SPATA6: variants seen among roughly 807,000 people sequenced by gnomAD.
SPATA6 encodes spermatogenesis-associated protein 6.
Under a neutral mutation model 65.3 loss-of-function variants are expected in SPATA6, and 56 were observed. The observed-to-expected ratio is 0.86, with a 90% CI of 0.69 to 1.07. The LOEUF (loss-of-function observed/expected upper bound fraction) is 1.07, where lower values mean the gene tolerates loss of function less well. SPATA6 is among the 50% of genes least tolerant of loss of function. The pLI, the probability that SPATA6 is intolerant of heterozygous loss-of-function variation, is 0.00. For missense variants in SPATA6, 590 were observed against 594.8 expected, an observed-to-expected ratio of 0.99 and a Z score of 0.08; for synonymous variants, 199 against 213.2, an observed-to-expected ratio of 0.93 and a Z score of 0.58.
At chr1:48,293,585 C>A (rs1330155593), downstream of SPATA6, among the ~76,000 whole-genome samples, 3 of 152,068 alleles carry the variant, frequency 2.0e-5, no homozygotes, top group South Asian at 6.2e-4. Flanking sequence ...AGCAGAAGTA[C>A]CTTGGTAATG....
At chr1:48,462,641 A>G (rs1657532809) in intron 1 of SPATA6, among the ~76,000 whole-genome samples, 1 of 152,220 alleles carries the variant, frequency 6.6e-6, no homozygotes, top group Non-Finnish European at 1.5e-5. Flanking sequence ...ATAGAGCCAT[A>G]CATCCAACAA....
At chr1:48,267,232 C>T in the SPATA6 span, among the ~76,000 whole-genome samples, 3 of 152,130 alleles carry the variant, frequency 2.0e-5, no homozygotes, top group African/African-American at 7.2e-5. Context: ...GAGGCGGGCA[C>T]CGACCCCACG....
intron 9 of SPATA6, among the ~76,000 whole-genome samples, chr1:48,364,931 G>A (rs918997858): frequency 6.6e-6 from 1 of 152,084 alleles, no homozygotes; most frequent in Non-Finnish European, 1.5e-5. Flanking sequence ...TATGGTTTTA[G>A]GTCTTACATG....
the SPATA6 span, among the ~76,000 whole-genome samples, chr1:48,283,636 G>A: frequency 2.3e-5 from 3 of 128,388 alleles, no homozygotes; most frequent in Admixed American, 9.1e-5. Flanking sequence ...TCGAGATCAC[G>A]CCACTGCAAT....
intron 3 of SPATA6, among the ~76,000 whole-genome samples, chr1:48,449,133 T>C (rs1363448310): frequency 1.3e-5 from 2 of 152,152 alleles, no homozygotes; most frequent in African/African-American, 4.8e-5. Flanking sequence ...AGTAACAAAA[T>C]TGCTGATTAG....
Position 48,376,795 on chromosome 1 carries a change from G to A in SPATA6, c.909+8514C>T, listed in dbSNP as rs538730579. On this transcript the variant is annotated intron_variant, in intron 9 of 12. Coordinates refer to ENST00000371847, the MANE Select transcript of SPATA6 (RefSeq NM_019073.4). Reference sequence around the variant, plus strand: ...TCTACAACATACCTAGGCTATAATGGTATAGCCTATTGTACCTAGGCTACA... The same window carrying A: ...TCTACAACATACCTAGGCTATAATGATATAGCCTATTGTACCTAGGCTACA... Among the ~76,000 whole-genome samples the A allele has an allele frequency of 7.9e-5, 12 of 152,170 alleles. No homozygotes were observed. In the South Asian group the frequency reaches 2.5e-3, roughly 32 times the overall value.
chr1:48,460,606 A>G (rs1040727826), intron 1 of SPATA6, among the ~76,000 whole-genome samples: 5 of 151,806 alleles, frequency 3.3e-5, no homozygotes, highest in Non-Finnish European at 5.9e-5. Context: ...GAAAGAAATA[A>G]AAGGCACACA....
chr1:48,309,783 A>G (rs1364485412), intron 11 of SPATA6, among the ~76,000 whole-genome samples: 1 of 152,156 alleles, frequency 6.6e-6, no homozygotes, highest in Non-Finnish European at 1.5e-5. Flanking sequence ...TGATATCTCT[A>G]TTCTGTTAGC....
At chr1:48,364,733 A>G (rs4462195) in intron 9 of SPATA6, among the ~76,000 whole-genome samples, 2 of 152,194 alleles carry the variant, frequency 1.3e-5, no homozygotes, top group South Asian at 2.1e-4. Context: ...GAAAATTTTC[A>G]CCCATTTTGT....
Position 48,395,276 on chromosome 1 carries a change from C to T in SPATA6, c.859G>A (p.Val287Met). 6.4e-7 allele frequency: 1 copy of T among 1,564,038 alleles called. No homozygotes were observed. Among genetic ancestry groups the T allele is most frequent in the Non-Finnish European group, 8.7e-7 (1 of 1,152,232 alleles). The change falls in exon 8 of 13, where the codon GTG (valine) becomes ATG (methionine). Residue 287 changes from valine to methionine, a missense_variant. Val to Met is a conservative substitution (Grantham distance 21). Coordinates refer to ENST00000371847, the MANE Select transcript of SPATA6 (RefSeq NM_019073.4). Reference protein sequence around the residue: ...RDCERDGWSRVHNDHSHLGCC... With the variant: ...RDCERDGWSRMHNDHSHLGCC... ...ACAACTTCTAGCTTACCATTGTGCA[C>T]CCTTGACCATCCATCTCTTTCACAG...
At chr1:48,462,093 G>C (rs546607270) in intron 1 of SPATA6, among the ~76,000 whole-genome samples, 42 of 151,400 alleles carry the variant, frequency 2.8e-4, no homozygotes, top group African/African-American at 1.0e-3. Context: ...CTATCGCAAG[G>C]ACAAAAAACC....
intron 3 of SPATA6, among the ~76,000 whole-genome samples, chr1:48,444,069 T>C (rs1219942248): frequency 6.6e-6 from 1 of 152,188 alleles, no homozygotes; most frequent in Non-Finnish European, 1.5e-5. Context: ...CAATAGGAGT[T>C]GGGTTGTCCT....
intron 11 of SPATA6, among the ~76,000 whole-genome samples, chr1:48,320,667 T>C (rs777574709): frequency 3.9e-4 from 59 of 152,290 alleles, no homozygotes; most frequent in Admixed American, 1.1e-3. Flanking sequence ...TAACAAATCA[T>C]CTGAAGGTAT....
chr1:48,332,264 C>T (rs765124608), intron 11 of SPATA6, among the ~76,000 whole-genome samples: 1 of 151,956 alleles, frequency 6.6e-6, no homozygotes, highest in Non-Finnish European at 1.5e-5. Context: ...GGTTAGGTGC[C>T]CCAATTAAAA....
intron 3 of SPATA6, among the ~76,000 whole-genome samples, chr1:48,418,291 G>A (rs766894955): frequency 1.3e-5 from 2 of 151,876 alleles, no homozygotes; most frequent in Non-Finnish European, 2.9e-5. Flanking sequence ...ATGCTGAAGT[G>A]GTACTAATAT....
At chr1:48,326,469 C>A (rs1476852011) in intron 11 of SPATA6, among the ~76,000 whole-genome samples, 4 of 148,258 alleles carry the variant, frequency 2.7e-5, no homozygotes, top group Admixed American at 1.3e-4. Flanking sequence ...ATCCAATTAC[C>A]AACATCATTT....
the SPATA6 span, among the ~76,000 whole-genome samples, chr1:48,275,884 T>C: frequency 6.6e-6 from 1 of 152,168 alleles, no homozygotes; most frequent in South Asian, 2.1e-4. Flanking sequence ...TTTTCTATTG[T>C]TTGGAATCGT....
At chr1:48,357,811 T>C (rs953281276) in intron 10 of SPATA6, among the ~76,000 whole-genome samples, 1 of 152,066 alleles carries the variant, frequency 6.6e-6, no homozygotes, top group African/African-American at 2.4e-5. Context: ...ATTTAGAAAA[T>C]ACACTCAAAT....
chr1:48,390,854 T>C (rs1359745542), intron 8 of SPATA6, among the ~76,000 whole-genome samples: 1 of 152,164 alleles, frequency 6.6e-6, no homozygotes, highest in African/African-American at 2.4e-5. Context: ...TCAGCATTTT[T>C]TATGGCACAA....
Sources: allele counts gnomAD v4.1 joint callset (sites outside exome capture counted in the v4.1 genomes callset), GRCh38; gene constraint gnomAD v4.1.1; transcripts MANE v1.5; gene names NCBI Gene and HGNC (gene_info 2026-07-23, HGNC 2026-07-21).